KCNIP4: variants seen among roughly 807,000 people sequenced by gnomAD.
KCNIP4 encodes Kv channel-interacting protein 4.
A neutral mutation model predicts 34.0 loss-of-function variants in KCNIP4; 12 were observed. The ratio of observed to expected loss-of-function variants is 0.35; its 90% CI spans 0.23 to 0.57. The LOEUF is 0.57. Among genes scored for constraint, KCNIP4 ranks in the 20% least tolerant of loss-of-function variants. The probability of loss-of-function intolerance (pLI) is 0.83; values close to 1 mark genes in which losing one functional copy is unlikely to be tolerated. For synonymous variants in KCNIP4, 124 were observed against 102.2 expected, an observed-to-expected ratio of 1.21 and a Z score of -1.29; for missense variants, 238 against 311.7, an observed-to-expected ratio of 0.76 and a Z score of 1.78.
intron 1 of KCNIP4, among the ~76,000 whole-genome samples, chr4:21,023,853 G>A (rs1740291060): frequency 6.6e-6 from 1 of 152,082 alleles, no homozygotes; most frequent in South Asian, 2.1e-4. Flanking sequence ...CTGCACTCCA[G>A]CCTGGGCAAC....
chr4:20,850,412 TG>T, intron 3 of KCNIP4, 130 bp downstream of exon 3: 1 of 950,304 alleles, frequency 1.1e-6, no homozygotes, highest in East Asian at 2.5e-5. Context: ...TATTCCTATC[TG>T]GGAAGGATCA....
At chr4:21,943,463 C>T (rs1260674972) in intron 1 of KCNIP4, among the ~76,000 whole-genome samples, 1 of 151,978 alleles carries the variant, frequency 6.6e-6, no homozygotes, top group East Asian at 1.9e-4. Context: ...TTGCTTGAGG[C>T]CAGGAGTTCG....
chr4:21,564,019 T>G (rs1739653805), intron 1 of KCNIP4, among the ~76,000 whole-genome samples: 1 of 152,132 alleles, frequency 6.6e-6, no homozygotes, highest in Non-Finnish European at 1.5e-5. Context: ...GACATTGTTT[T>G]TATCTACTAT....
intron 1 of KCNIP4, among the ~76,000 whole-genome samples, chr4:20,984,936 C>G (rs894126369): frequency 1.3e-5 from 2 of 152,172 alleles, no homozygotes; most frequent in Non-Finnish European, 2.9e-5. Context: ...TGACTCTTAT[C>G]AACTGGGAAG....
intron 1 of KCNIP4, among the ~76,000 whole-genome samples, chr4:21,818,114 G>A (rs1464599113): frequency 6.6e-6 from 1 of 152,074 alleles, no homozygotes; most frequent in African/African-American, 2.4e-5. Context: ...AGGCATCATG[G>A]TCCTACCGAT....
intron 1 of KCNIP4, among the ~76,000 whole-genome samples, chr4:21,046,672 A>G (rs557406345): frequency 1.3e-5 from 2 of 152,004 alleles, no homozygotes; most frequent in African/African-American, 4.8e-5. Flanking sequence ...GCTCACTACA[A>G]TCTCTGCCTC....
chr4:21,400,575 CTTCGTT>C (rs1723465000), intron 1 of KCNIP4, among the ~76,000 whole-genome samples: 3 of 65,544 alleles, frequency 4.6e-5, no homozygotes, highest in African/African-American at 1.4e-4. Context: ...CTTCTCTTCT[CTTCGTT>C]CTTTCTTTCT....
At chr4:21,788,358 A>G (rs1720047728) in intron 1 of KCNIP4, among the ~76,000 whole-genome samples, 6 of 152,224 alleles carry the variant, frequency 3.9e-5, no homozygotes, top group Admixed American at 3.9e-4. Flanking sequence ...ATGACAAAGT[A>G]AATGGTGCAC....
chr4:21,637,506 C>T (rs1327043380), intron 1 of KCNIP4, among the ~76,000 whole-genome samples: 4 of 151,958 alleles, frequency 2.6e-5, no homozygotes, highest in Non-Finnish European at 2.9e-5. Flanking sequence ...AGGCCAGGCG[C>T]GGTGGCTTAT....
chr4:21,259,920 T>TGTGTGTGTGTGTGTGTGTGTGTGC (rs755266993), intron 1 of KCNIP4, among the ~76,000 whole-genome samples: 1 of 150,078 alleles, frequency 6.7e-6, no homozygotes, highest in Admixed American at 6.7e-5. Context: ...TGTGTGTGTG[T>TGTGTGTGTGTGTGTGTGTGTGTGC]GCACGTGCGC....
intron 1 of KCNIP4, among the ~76,000 whole-genome samples, chr4:21,872,036 G>A (rs1725852189): frequency 6.6e-6 from 1 of 151,804 alleles, no homozygotes; most frequent in East Asian, 1.9e-4. Flanking sequence ...AAGAAAAAAA[G>A]CAATGGGAAA....
At chr4:21,638,826 C>T (rs1746408217) in intron 1 of KCNIP4, among the ~76,000 whole-genome samples, 1 of 152,114 alleles carries the variant, frequency 6.6e-6, no homozygotes, top group Admixed American at 6.5e-5. Context: ...AAAGATGGCT[C>T]CTCAGTGAAA....
intron 1 of KCNIP4, among the ~76,000 whole-genome samples, chr4:21,201,281 C>T (rs1327370615): frequency 6.6e-6 from 1 of 152,066 alleles, no homozygotes; most frequent in African/African-American, 2.4e-5. Context: ...TTTATTGCTA[C>T]AATCAAGAGG....
chr4:21,506,204 C>T (rs1733835464), intron 1 of KCNIP4, among the ~76,000 whole-genome samples: 1 of 152,166 alleles, frequency 6.6e-6, no homozygotes, highest in Non-Finnish European at 1.5e-5. Context: ...TTTAATTTTT[C>T]ATTTACATTT....
At chr4:21,242,029 TGGTG>T (rs1275177239) in intron 1 of KCNIP4, among the ~76,000 whole-genome samples, 5 of 150,868 alleles carry the variant, frequency 3.3e-5, no homozygotes, top group African/African-American at 9.7e-5. Context: ...CCAGGCGTGG[TGGTG>T]GGTGCCTGCA....
chr4:21,856,450 G>A (rs1338803021), intron 1 of KCNIP4, among the ~76,000 whole-genome samples: 3 of 152,158 alleles, frequency 2.0e-5, no homozygotes, highest in Admixed American at 6.5e-5. Context: ...CGCATGCGGC[G>A]GGAGAGGACT....
intron 1 of KCNIP4, among the ~76,000 whole-genome samples, chr4:21,635,559 C>G (rs940567089): frequency 2.0e-5 from 3 of 152,100 alleles, no homozygotes; most frequent in Non-Finnish European, 4.4e-5. Flanking sequence ...CACTGGCCAT[C>G]AGAGAAATGC....
chr4:21,061,820 T>G (rs1743947514), intron 1 of KCNIP4, among the ~76,000 whole-genome samples: 2 of 152,070 alleles, frequency 1.3e-5, no homozygotes, highest in Non-Finnish European at 2.9e-5. Flanking sequence ...TGTAATTAAG[T>G]TAAAATAGAG....
At chr4:21,331,674 C>T (rs201216962) in intron 1 of KCNIP4, among the ~76,000 whole-genome samples, 21 of 50,142 alleles carry the variant, frequency 4.2e-4, no homozygotes, top group African/African-American at 2.1e-3. Context: ...AGAAATATTG[C>T]CTTACATATG....
Sources: gnomAD v4.1 joint callset for allele counts (sites outside exome capture counted in the v4.1 genomes callset) on GRCh38, gnomAD v4.1.1 for gene constraint, MANE v1.5 for transcripts, NCBI Gene and HGNC (gene_info 2026-07-23, HGNC 2026-07-21) for gene names.